Variants in MSRB3 observed in about 807,000 individuals in gnomAD.
MSRB3 encodes the protein methionine sulfoxide reductase B3.
Under a neutral mutation model 21.0 loss-of-function variants are expected in MSRB3, and 13 were observed. The ratio of observed to expected loss-of-function variants is 0.62; its 90% CI spans 0.40 to 0.98. MSRB3 has a LOEUF of 0.98. MSRB3 is among the 50% of genes least tolerant of loss of function. The pLI is 0.00. For synonymous variants in MSRB3, 87 were observed against 88.6 expected, an observed-to-expected ratio of 0.98 and a Z score of 0.10; for missense variants, 199 against 230.3, an observed-to-expected ratio of 0.86 and a Z score of 0.88.
At position 65,328,603 on chromosome 12, in the gene MSRB3, A is replaced by G; in HGVS notation, c.263A>G (p.Lys88Arg). The G allele has an allele frequency of 3.7e-6, 6 of 1,605,398 alleles. No homozygotes were observed. Among genetic ancestry groups the G allele is most frequent in the Non-Finnish European group, 4.3e-6 (5 of 1,172,358 alleles). ...KCVVCGTPLF[K>R]SETKFDSGSG... The stretch of plus-strand genomic sequence containing the variant: ...GTTGTTTGTGGAACTCCATTGTTTA[A>G]GTAAGTATGTTGAAAACCTATAGGT... The change falls in exon 4 of 7, where the codon AAG becomes AGG. Residue 88 changes from lysine (K) to arginine (R), a missense_variant and splice_region_variant. Transcript: ENST00000308259.
intron 5 of MSRB3, among the ~76,000 whole-genome samples, chr12:65,434,164 A>T (rs989823929): frequency 2.6e-5 from 4 of 151,224 alleles, no homozygotes; most frequent in African/African-American, 9.7e-5. Context: ...TCTGCTTTGT[A>T]TCCACACCTA....
intron 1 of MSRB3, among the ~76,000 whole-genome samples, chr12:65,307,396 T>C (rs1873717617): frequency 6.6e-6 from 1 of 152,178 alleles, no homozygotes; most frequent in African/African-American, 2.4e-5. Flanking sequence ...TAGTAAAATA[T>C]ATTACTGTTT....
intron 5 of MSRB3, among the ~76,000 whole-genome samples, chr12:65,389,652 T>C (rs1879374097): frequency 6.6e-6 from 1 of 152,190 alleles, no homozygotes; most frequent in Non-Finnish European, 1.5e-5. Flanking sequence ...CAGTCTGTTA[T>C]GTACTTCATC....
At chr12:65,405,964 T>G (rs11175752) in intron 5 of MSRB3, among the ~76,000 whole-genome samples, 99,327 of 151,952 alleles carry the variant, frequency 0.65, 32,601 homozygotes, top group Admixed American at 0.72. Flanking sequence ...TATATATTTT[T>G]GATATTAACT....
chr12:65,278,779 G>GGCGGACCCTCCC lies in MSRB3; in HGVS notation c.-134_-123dup. The GGCGGACCCTCCC allele has an allele frequency of 6.3e-7, 1 of 1,577,310 alleles. No individual in the cohort carries two copies. Among genetic ancestry groups the GGCGGACCCTCCC allele is most frequent in the Non-Finnish European group, 8.6e-7 (1 of 1,162,694 alleles). ...CTGCCTGGCCTTTCCATGAGCCCGC[G>GGCGGACCCTCCC]GCGGACCCTCCCGCGCCCCCTCTCG... On this transcript the variant is annotated 5_prime_UTR_variant, in exon 1 of 7. Transcript: ENST00000308259.
intron 5 of MSRB3, among the ~76,000 whole-genome samples, chr12:65,446,606 C>T (rs1054333187): frequency 1.3e-5 from 2 of 151,946 alleles, no homozygotes; most frequent in Non-Finnish European, 2.9e-5. Context: ...CAAGAGATAT[C>T]TTTAAAATGA....
chr12:65,419,572 A>G (rs541921291), intron 5 of MSRB3: 11 of 733,628 alleles, frequency 1.5e-5, no homozygotes, highest in Non-Finnish European at 2.3e-5. Context: ...CTGCAGAACA[A>G]TGTGGACATT....
chr12:65,347,659 G>T (rs1206400829), intron 4 of MSRB3, among the ~76,000 whole-genome samples: 2 of 152,174 alleles, frequency 1.3e-5, no homozygotes, highest in Non-Finnish European at 2.9e-5. Flanking sequence ...TCCCTGTCTT[G>T]TGCCAGTTTT....
chr12:65,289,547 AT>A (rs1234466818), intron 1 of MSRB3, among the ~76,000 whole-genome samples: 5 of 152,136 alleles, frequency 3.3e-5, no homozygotes, highest in African/African-American at 1.2e-4. Flanking sequence ...TGTGACCTGC[AT>A]TTTTTATCTT....
chr12:65,371,596 T>TGTAC (rs1878331353), intron 5 of MSRB3, among the ~76,000 whole-genome samples: 1 of 151,336 alleles, frequency 6.6e-6, no homozygotes, highest in South Asian at 2.1e-4. Flanking sequence ...TGTGTGTGTG[T>TGTAC]GTACTCACAC....
chr12:65,355,853 G>A (rs944207849), intron 4 of MSRB3, among the ~76,000 whole-genome samples: 74 of 151,916 alleles, frequency 4.9e-4, no homozygotes, highest in African/African-American at 1.8e-3. Flanking sequence ...CAGTATGAAC[G>A]AGCTATCCAT....
intron 5 of MSRB3, among the ~76,000 whole-genome samples, chr12:65,411,922 A>G (rs1283821612): frequency 2.6e-5 from 4 of 151,874 alleles, no homozygotes; most frequent in Non-Finnish European, 5.9e-5. Flanking sequence ...TGCTTGAAAA[A>G]GGAACATAAA....
chr12:65,392,437 A>G (rs535124951), intron 5 of MSRB3, among the ~76,000 whole-genome samples: 10 of 152,218 alleles, frequency 6.6e-5, no homozygotes, highest in Non-Finnish European at 1.2e-4. Flanking sequence ...AGTGGATTTA[A>G]CTAGCTCTAA....
intron 1 of MSRB3, among the ~76,000 whole-genome samples, chr12:65,306,220 C>T (rs185075945): frequency 3.9e-5 from 6 of 152,046 alleles, no homozygotes; most frequent in East Asian, 3.9e-4. Flanking sequence ...TTTTATTTAC[C>T]GCAAACATTA....
At chr12:65,278,974 C>A in intron 1 of MSRB3, 109 bp downstream of exon 1, 1 of 1,496,432 alleles carries the variant, frequency 6.7e-7, no homozygotes, top group Non-Finnish European at 8.9e-7. Context: ...GCCTGCTGCG[C>A]CCCCTCGGCC....
intron 2 of MSRB3, among the ~76,000 whole-genome samples, chr12:65,325,817 T>C (rs1051456713): frequency 3.3e-5 from 5 of 152,170 alleles, no homozygotes; most frequent in African/African-American, 1.2e-4. Context: ...GAAAAGCAAT[T>C]TTACTGCAGT....
chr12:65,386,426 T>A (rs1012152293), intron 5 of MSRB3, among the ~76,000 whole-genome samples: 1 of 151,998 alleles, frequency 6.6e-6, no homozygotes, highest in Non-Finnish European at 1.5e-5. Flanking sequence ...GACTCTTTTT[T>A]CTTTTGAATG....
intron 1 of MSRB3, among the ~76,000 whole-genome samples, chr12:65,302,277 A>G (rs1353332336): frequency 6.6e-6 from 1 of 152,134 alleles, no homozygotes; most frequent in Non-Finnish European, 1.5e-5. Context: ...ATGAAAGAAT[A>G]CAAATAAAAA....
chr12:65,460,928 T>A (rs1037016845), intron 6 of MSRB3, among the ~76,000 whole-genome samples: 1 of 152,204 alleles, frequency 6.6e-6, no homozygotes, highest in African/African-American at 2.4e-5. Flanking sequence ...ATATAACTCA[T>A]TCTTAAACAC....
Sources: gnomAD v4.1 joint callset for allele counts (sites outside exome capture counted in the v4.1 genomes callset) on GRCh38, gnomAD v4.1.1 for gene constraint, MANE v1.5 for transcripts, NCBI Gene and HGNC (gene_info 2026-07-23, HGNC 2026-07-21) for gene names.